Variants in EVA1C observed in about 807,000 individuals in gnomAD.
EVA1C encodes eva-1 homolog C.
In EVA1C, 25 loss-of-function variants were observed where a neutral mutation model predicts 45.4. The ratio of observed to expected loss-of-function variants is 0.55; its 90% CI spans 0.40 to 0.77. The LOEUF (loss-of-function observed/expected upper bound fraction) is 0.77, where lower values mean the gene tolerates loss of function less well. Ranked by LOEUF, EVA1C falls within the 30% of genes least tolerant of loss-of-function variation. The pLI, the probability that EVA1C is intolerant of heterozygous loss-of-function variation, is 0.00. For synonymous variants in EVA1C, 190 were observed against 221.2 expected (o/e 0.86, Z 1.25); for missense variants, 479 against 554.8 (o/e 0.86, Z 1.37).
intron 4 of EVA1C, among the ~76,000 whole-genome samples, chr21:32,473,582 T>C (rs2036453090): frequency 6.6e-6 from 1 of 152,200 alleles, no homozygotes; most frequent in Admixed American, 6.5e-5. Flanking sequence ...GGCGGTCCCA[T>C]GGTGGCACCT....
chr21:32,467,182 A>G (rs1444367376), intron 3 of EVA1C, among the ~76,000 whole-genome samples: 1 of 152,118 alleles, frequency 6.6e-6, no homozygotes, highest in African/African-American at 2.4e-5. Context: ...AAAATAACAA[A>G]TAATACCTAC....
intron 1 of EVA1C, among the ~76,000 whole-genome samples, chr21:32,444,054 AC>A (rs1209546348): frequency 3.2e-4 from 12 of 37,696 alleles, no homozygotes; most frequent in African/African-American, 2.0e-3. Flanking sequence ...TTGTGTGAAA[AC>A]ACACACACAC....
chr21:32,462,897 G>A (rs116716817), intron 3 of EVA1C, among the ~76,000 whole-genome samples: 366 of 152,286 alleles, frequency 2.4e-3, no homozygotes, highest in African/African-American at 8.5e-3. Context: ...CTGGCTTGCT[G>A]TGATGATTTA....
intron 3 of EVA1C, among the ~76,000 whole-genome samples, chr21:32,461,115 G>A (rs8129949): frequency 0.066 from 9,981 of 152,282 alleles, 501 homozygotes; most frequent in African/African-American, 0.14. Flanking sequence ...ATGGAGCTGA[G>A]AACTGCAGGG....
rs149583764 is a variant in EVA1C, at chr21:32,434,722, T to A, written c.161-18590T>A. ...GAAGGCCACATGAAGATTGGACTTA[T>A]GCTGCCACAAGCTAAGGAGCTGGAG... On this transcript the variant is annotated intron_variant, in intron 1 of 7. Coordinates refer to ENST00000300255, the MANE Select transcript of EVA1C (RefSeq NM_058187.5). 9.0e-3 allele frequency among the ~76,000 whole-genome samples: 1,368 copies of A among 152,396 alleles called. 10 individuals are homozygous for A. The highest frequency in any genetic ancestry group is 0.031 in the African/African-American group (1,306 of 41,590).
At chr21:32,473,486 C>G (rs2036448821) in intron 4 of EVA1C, among the ~76,000 whole-genome samples, 1 of 152,172 alleles carries the variant, frequency 6.6e-6, no homozygotes, top group Non-Finnish European at 1.5e-5. Context: ...GTTTTGACCT[C>G]CCGTCTCCTA....
chr21:32,510,350 C>T (rs1029953202), intron 7 of EVA1C, among the ~76,000 whole-genome samples: 5 of 152,050 alleles, frequency 3.3e-5, no homozygotes, highest in South Asian at 2.1e-4. Flanking sequence ...CCACCACTCC[C>T]GGCCGATTTC....
At chr21:32,420,342 C>T (rs897529346) in intron 1 of EVA1C, among the ~76,000 whole-genome samples, 1 of 152,136 alleles carries the variant, frequency 6.6e-6, no homozygotes, top group Non-Finnish European at 1.5e-5. Flanking sequence ...CACACTCCAG[C>T]CTGGGCAATA....
chr21:32,496,808 C>A, intron 5 of EVA1C: 1 of 788,624 alleles, frequency 1.3e-6, no homozygotes, highest in Non-Finnish European at 2.3e-6. Context: ...GCCCTGGGAA[C>A]GGAGTATATT....
intron 3 of EVA1C, 141 bp downstream of exon 3, chr21:32,457,861 T>C: frequency 2.2e-6 from 2 of 897,046 alleles, no homozygotes. Flanking sequence ...TCCTACCCAG[T>C]TTTTTAGAGA....
At chr21:32,429,758 G>GTATTACATTATATACACAA (rs2034628465) in intron 1 of EVA1C, among the ~76,000 whole-genome samples, 1 of 152,150 alleles carries the variant, frequency 6.6e-6, no homozygotes, top group Non-Finnish European at 1.5e-5. Context: ...TAATCCACAT[G>GTATTACATTATATACACAA]TGTAATATTA....
chr21:32,432,491 C>A (rs1206018623), intron 1 of EVA1C, among the ~76,000 whole-genome samples: 1 of 152,010 alleles, frequency 6.6e-6, no homozygotes, highest in Admixed American at 6.5e-5. Flanking sequence ...TTGCTCCTGG[C>A]ATTAGGATGA....
At chr21:32,478,313 G>T (rs2146341277) in intron 4 of EVA1C, among the ~76,000 whole-genome samples, 1 of 152,180 alleles carries the variant, frequency 6.6e-6, no homozygotes, top group South Asian at 2.1e-4. Context: ...CCGCCTCCCA[G>T]GTTCAAGCAA....
At chr21:32,460,916 T>G (rs2035974079) in intron 3 of EVA1C, among the ~76,000 whole-genome samples, 1 of 152,076 alleles carries the variant, frequency 6.6e-6, no homozygotes, top group Non-Finnish European at 1.5e-5. Flanking sequence ...TGGCTAATTT[T>G]TGTATTTTTA....
intron 5 of EVA1C, among the ~76,000 whole-genome samples, chr21:32,495,530 G>A (rs1170243299): frequency 6.6e-6 from 1 of 152,012 alleles, no homozygotes; most frequent in Non-Finnish European, 1.5e-5. Context: ...CGAGTTCACA[G>A]TCGAATTATG....
intron 7 of EVA1C, among the ~76,000 whole-genome samples, chr21:32,511,735 C>G: frequency 6.6e-6 from 1 of 152,236 alleles, no homozygotes; most frequent in East Asian, 1.9e-4. Context: ...CTTTGAACAC[C>G]GTGTTGGCAG....
chr21:32,421,249 G>A (rs976347253), intron 1 of EVA1C, among the ~76,000 whole-genome samples: 3 of 152,192 alleles, frequency 2.0e-5, no homozygotes, highest in Non-Finnish European at 2.9e-5. Context: ...GTTGCTTGAT[G>A]GTCTTGACAA....
chr21:32,412,927 T>G lies in EVA1C; in HGVS notation c.74T>G (p.Val25Gly), dbSNP rs2033881667. ...CAGCATCCCGGCCTCCGCCGGCAGG[T>G]AGAGCCGCCGGGGCAGCTCCTGCGC... Reference protein sequence around the residue: ...PVQHPGLRRQVEPPGQLLRLF... With the variant: ...PVQHPGLRRQGEPPGQLLRLF... Residue 25 changes from valine to glycine, a missense_variant, in exon 1 of 8, where the codon GTA (valine) becomes GGA (glycine). By Grantham distance (109) the Val-to-Gly change is moderately radical. Transcript: ENST00000300255. 6.5e-7 allele frequency: 1 copy of G among 1,530,652 alleles called. No homozygotes were observed. The allele number at this position is 1,530,652 out of a possible 1,614,324, so 94.8% of individuals were successfully genotyped here.
At chr21:32,475,893 A>AC (rs1385925276) in intron 4 of EVA1C, among the ~76,000 whole-genome samples, 2,445 of 59,078 alleles carry the variant, frequency 0.041, 40 homozygotes, top group Admixed American at 0.12. Flanking sequence ...CTATCTATCT[A>AC]TCTATCTATC....
Sources: gnomAD v4.1 joint callset for allele counts (sites outside exome capture counted in the v4.1 genomes callset) on GRCh38, gnomAD v4.1.1 for gene constraint, MANE v1.5 for transcripts, NCBI Gene and HGNC (gene_info 2026-07-23, HGNC 2026-07-21) for gene names.